The following BTBD7 variants were observed in gnomAD, a reference collection of about 807,000 sequenced individuals.
BTBD7 encodes the protein BTB domain containing 7, also known as BTB/POZ domain-containing protein 7.
Under a neutral mutation model 99.9 loss-of-function variants are expected in BTBD7, and 38 were observed. The ratio of observed to expected loss-of-function variants is 0.38; its 90% CI spans 0.29 to 0.50. BTBD7 has a LOEUF of 0.50. Ranked by LOEUF, BTBD7 falls within the 20% of genes least tolerant of loss-of-function variation. The pLI is 0.93. For synonymous variants in BTBD7, 520 were observed against 511.4 expected (o/e 1.02, Z -0.23); for missense variants, 1,170 against 1,394.6 (o/e 0.84, Z 2.57).
chr14:93,301,241 G>C (rs1185836507), intron 1 of BTBD7, among the ~76,000 whole-genome samples: 4 of 151,692 alleles, frequency 2.6e-5, no homozygotes, highest in Non-Finnish European at 5.9e-5. Flanking sequence ...GCCCAGACTG[G>C]AGTGCAGTAG....
intron 10 of BTBD7, among the ~76,000 whole-genome samples, chr14:93,245,545 T>C (rs1208087861): frequency 6.6e-6 from 1 of 152,234 alleles, no homozygotes; most frequent in Non-Finnish European, 1.5e-5. Flanking sequence ...TTTATGTTGC[T>C]CAGTAACCCC....
At chr14:93,298,366 A>T (rs2052955120) in intron 1 of BTBD7, among the ~76,000 whole-genome samples, 1 of 152,226 alleles carries the variant, frequency 6.6e-6, no homozygotes, top group Non-Finnish European at 1.5e-5. Context: ...GAGTGCTGAC[A>T]GGATGCCACA....
rs574270250 is a variant in BTBD7, at chr14:93,289,782, T to C, written c.1162+4076A>G. Among the ~76,000 whole-genome samples, 33 of 151,710 alleles carry C rather than the reference T, an allele frequency of 2.2e-4. No individual in the cohort carries two copies. In the East Asian group the frequency reaches 5.8e-3, roughly 27 times the overall value. On this transcript the variant is annotated intron_variant, in intron 3 of 10. Coordinates refer to ENST00000334746, the MANE Select transcript of BTBD7 (RefSeq NM_001002860.4). ...AGGCCGTTATCTACTTGTGATTGCC[T>C]ACTGCCTGCTCCTCCCTACTGATAT...
intron 3 of BTBD7, among the ~76,000 whole-genome samples, chr14:93,270,679 A>G (rs1393871816): frequency 6.6e-6 from 1 of 150,404 alleles, no homozygotes; most frequent in South Asian, 2.1e-4. Flanking sequence ...TGGGCAACAG[A>G]GCGAGACTCT....
At chr14:93,305,801 G>A (rs2053063227) in intron 1 of BTBD7, among the ~76,000 whole-genome samples, 1 of 152,150 alleles carries the variant, frequency 6.6e-6, no homozygotes, top group South Asian at 2.1e-4. Flanking sequence ...TACAGTTCTG[G>A]AGGGTGGGAG....
At chr14:93,321,587 C>T (rs117808101) in intron 1 of BTBD7, among the ~76,000 whole-genome samples, 5 of 152,180 alleles carry the variant, frequency 3.3e-5, no homozygotes, top group Admixed American at 6.5e-5. Context: ...AGCAAGACTC[C>T]GTCACAAACA....
intron 3 of BTBD7, among the ~76,000 whole-genome samples, chr14:93,285,160 CAG>C (rs1173609131): frequency 1.3e-5 from 2 of 152,024 alleles, no homozygotes; most frequent in African/African-American, 2.4e-5. Context: ...AGAACTGAGA[CAG>C]AGGGAAGAGT....
chr14:93,282,827 T>G (rs1045559550), intron 3 of BTBD7, among the ~76,000 whole-genome samples: 2 of 152,144 alleles, frequency 1.3e-5, no homozygotes, highest in Admixed American at 1.3e-4. Flanking sequence ...TATTCCTTGG[T>G]GATGGGAGGC....
At chr14:93,284,999 C>T (rs2052761103) in intron 3 of BTBD7, among the ~76,000 whole-genome samples, 3 of 152,012 alleles carry the variant, frequency 2.0e-5, no homozygotes. Flanking sequence ...CTGAGATTAA[C>T]TCTTATGTTG....
At chr14:93,290,313 C>T (rs1047945973) in intron 3 of BTBD7, among the ~76,000 whole-genome samples, 2 of 149,008 alleles carry the variant, frequency 1.3e-5, no homozygotes, top group Non-Finnish European at 3.0e-5. Flanking sequence ...CCTGGGTTCA[C>T]GCCATTCTCC....
At chr14:93,288,875 C>T in intron 3 of BTBD7, 2 of 1,013,402 alleles carry the variant, frequency 2.0e-6, no homozygotes, top group Non-Finnish European at 1.4e-6. Flanking sequence ...GGTATTACAG[C>T]AGGGGTTAAG....
chr14:93,310,554 G>A (rs1472561354), intron 1 of BTBD7, among the ~76,000 whole-genome samples: 4 of 152,074 alleles, frequency 2.6e-5, no homozygotes, highest in Non-Finnish European at 5.9e-5. Flanking sequence ...AGACCAGCGT[G>A]GGTAACGTGG....
At chr14:93,267,625 C>A (rs2052556267) in intron 3 of BTBD7, among the ~76,000 whole-genome samples, 1 of 152,224 alleles carries the variant, frequency 6.6e-6, no homozygotes, top group African/African-American at 2.4e-5. Context: ...GGATTTTCCA[C>A]AGACATCTTA....
At chr14:93,308,278 C>T (rs944225181) in intron 1 of BTBD7, among the ~76,000 whole-genome samples, 1 of 140,468 alleles carries the variant, frequency 7.1e-6, no homozygotes, top group African/African-American at 2.7e-5. Context: ...CAGAGCCAGA[C>T]TCGGTCTCCA....
chr14:93,283,576 G>A (rs989798168), intron 3 of BTBD7, among the ~76,000 whole-genome samples: 9 of 151,912 alleles, frequency 5.9e-5, no homozygotes, highest in Non-Finnish European at 1.0e-4. Context: ...TTTTGAGACA[G>A]TCTCTCACTC....
intron 1 of BTBD7, among the ~76,000 whole-genome samples, chr14:93,303,413 GAACAAC>G (rs1314681217): frequency 2.0e-5 from 3 of 148,234 alleles, no homozygotes; most frequent in Non-Finnish European, 3.0e-5. Context: ...AGACCAGCCT[GAACAAC>G]ATAGCAAGAC....
intron 3 of BTBD7, among the ~76,000 whole-genome samples, chr14:93,289,146 G>A (rs929901770): frequency 1.3e-5 from 2 of 152,058 alleles, no homozygotes; most frequent in African/African-American, 4.8e-5. Context: ...TGGACCACTG[G>A]GACAAAATGG....
At position 93,240,793 on chromosome 14, in the gene BTBD7, C is replaced by T. The variant is rs985456102; in HGVS notation, c.*1480G>A. ...TTCCAAGGGAGAGGATCCTGAAAGA[C>T]CCCATGTGCTCAGTGGTTTAGTAAA... is the stretch of plus-strand genomic sequence containing the variant. On this transcript the variant is annotated 3_prime_UTR_variant, in exon 11 of 11. Transcript: ENST00000334746. 3 of 152,582 alleles carry T rather than the reference C, an allele frequency of 2.0e-5. No individual in the cohort carries two copies. The highest frequency in any genetic ancestry group is 6.5e-5 in the Admixed American group (1 of 15,282). The allele number at this position is 152,582 out of a possible 1,614,324, so 9.5% of individuals were successfully genotyped here.
At chr14:93,275,611 C>G (rs564092411) in intron 3 of BTBD7, among the ~76,000 whole-genome samples, 4 of 152,248 alleles carry the variant, frequency 2.6e-5, no homozygotes, top group African/African-American at 7.2e-5. Flanking sequence ...TCAGAGTGTA[C>G]GTACACAAAC....
Sources: allele counts gnomAD v4.1 joint callset (sites outside exome capture counted in the v4.1 genomes callset), GRCh38; gene constraint gnomAD v4.1.1; transcripts MANE v1.5; gene names NCBI Gene and HGNC (gene_info 2026-07-23, HGNC 2026-07-21).